Variants in ZNF277 observed in about 807,000 individuals in gnomAD.
The protein encoded by ZNF277 is zinc finger protein 277.
Under a neutral mutation model 60.7 loss-of-function variants are expected in ZNF277, and 55 were observed. The observed-to-expected ratio is 0.91, with a 90% CI of 0.73 to 1.13. The LOEUF is 1.13. ZNF277 is among the 50% of genes most tolerant of loss of function. The probability of loss-of-function intolerance (pLI) is 0.00; values close to 1 mark genes in which losing one functional copy is unlikely to be tolerated. For missense variants in ZNF277, 510 were observed against 523.0 expected (o/e 0.98, Z 0.24); for synonymous variants, 178 against 179.3 (o/e 0.99, Z 0.06).
intron 2 of ZNF277, chr7:112,287,620 A>T (rs139260909): frequency 1.3e-5 from 2 of 150,212 alleles, no homozygotes; most frequent in South Asian, 4.2e-4. Context: ...TCTGCCTCCC[A>T]TGTTCAAGCG....
At position 112,280,903 on chromosome 7, in the gene ZNF277, C is replaced by G. The variant is rs570015420; in HGVS notation, c.92-5970C>G. The stretch of plus-strand genomic sequence containing the variant: ...TCAGCCTCCCAAAGTGCTGGGATTA[C>G]AGGCATGAGCCACCGCGCCCAGCCC... On this transcript the variant is annotated intron_variant, in intron 1 of 11. Transcript: ENST00000361822. Among the ~76,000 whole-genome samples, 79 of 152,302 alleles carry G rather than the reference C, an allele frequency of 5.2e-4. No individual in the cohort carries two copies. The South Asian group carries it at 0.016, about 31-fold the overall frequency.
chr7:112,217,856 T>C (rs1421539734), intron 1 of ZNF277, among the ~76,000 whole-genome samples: 1 of 152,130 alleles, frequency 6.6e-6, no homozygotes, highest in Non-Finnish European at 1.5e-5. Context: ...GACCCTGCAC[T>C]CAGTGGGTCA....
chr7:112,266,490 A>C lies in ZNF277; in HGVS notation c.92-20383A>C, dbSNP rs546386075. On this transcript the variant is annotated intron_variant, in intron 1 of 11. Coordinates refer to ENST00000361822, the MANE Select transcript of ZNF277 (RefSeq NM_021994.3). The stretch of plus-strand genomic sequence containing the variant: ...ATTGCTATATAGTTACTGTCTGGCC[A>C]TCAGGTTACTAACATTGGTCCAGGG... Among the ~76,000 whole-genome samples the C allele has an allele frequency of 3.0e-4, 46 of 152,234 alleles. No individual in the cohort carries two copies. In the Middle Eastern group the frequency reaches 0.014, roughly 45 times the overall value.
chr7:112,244,300 G>C (rs1334268163), intron 1 of ZNF277, among the ~76,000 whole-genome samples: 1 of 152,104 alleles, frequency 6.6e-6, no homozygotes, highest in African/African-American at 2.4e-5. Context: ...TATGTATACT[G>C]TAATAGTCTT....
rs191184965 is a variant in ZNF277 at position 112,299,310 on chromosome 7, C to G, written c.465+2999C>G. 1.3e-3 allele frequency among the ~76,000 whole-genome samples: 192 copies of G among 152,186 alleles called. 1 individual carries two copies. Among genetic ancestry groups the G allele is most frequent in the Non-Finnish European group, 1.1e-3 (78 of 67,976 alleles). On this transcript the variant is annotated intron_variant, in intron 4 of 11. Transcript: ENST00000361822. ...AAGAAGTCTAAATCATTAAATGAAA[C>G]AAAAGTAACAGTATACTTTTTCTTC...
intron 1 of ZNF277, among the ~76,000 whole-genome samples, chr7:112,229,586 CACAG>C (rs1434984383): frequency 6.6e-6 from 1 of 152,208 alleles, no homozygotes; most frequent in Non-Finnish European, 1.5e-5. Flanking sequence ...GTAATTGTCA[CACAG>C]ACAGTTTTCC....
intron 11 of ZNF277, 82 bp downstream of exon 11, chr7:112,341,128 G>GAA (rs11463201): frequency 2.8e-4 from 343 of 1,238,766 alleles, no homozygotes; most frequent in South Asian, 4.1e-4. Context: ...TAAGCCTACA[G>GAA]AAAAAAAAGG....
intron 5 of ZNF277, among the ~76,000 whole-genome samples, chr7:112,326,047 A>G (rs1422932906): frequency 1.3e-5 from 2 of 152,082 alleles, no homozygotes; most frequent in Non-Finnish European, 2.9e-5. Context: ...CAGATTCTTG[A>G]GCCCCAGAGA....
At chr7:112,268,258 GCACACACAAACACACACA>G (rs927800904) in intron 1 of ZNF277, among the ~76,000 whole-genome samples, 2 of 150,272 alleles carry the variant, frequency 1.3e-5, no homozygotes, top group African/African-American at 2.5e-5. Context: ...GCACACACAC[GCACACACAAACACACACA>G]CACACACAAA....
chr7:112,246,283 A>G (rs1168547141), intron 1 of ZNF277, among the ~76,000 whole-genome samples: 1 of 152,068 alleles, frequency 6.6e-6, no homozygotes, highest in Non-Finnish European at 1.5e-5. Flanking sequence ...AGCTACTCAG[A>G]AATAGAAAGC....
Position 112,330,186 on chromosome 7 carries a change from A to T in ZNF277, c.771A>T (p.Glu257Asp). ...GTAAGATTAATCCTAAGAACAGAGA[A>T]TATGACAGATTTTATGTCATCAATT... ...QHRKINPKNR[E>D]YDRFYVINYL... The change falls in exon 7 of 12, where the codon GAA (glutamate) becomes GAT (aspartate). Residue 257 changes from glutamate to aspartate, a missense_variant. Coordinates refer to ENST00000361822, the MANE Select transcript of ZNF277 (RefSeq NM_021994.3). The T allele has an allele frequency of 5.6e-6, 9 of 1,613,042 alleles. No homozygotes were observed. Among genetic ancestry groups the T allele is most frequent in the Non-Finnish European group, 7.6e-6 (9 of 1,179,764 alleles).
rs1170078999 is a variant in ZNF277 at position 112,296,912 on chromosome 7, A to ATTT, written c.465+632_465+634dup. Among the ~76,000 whole-genome samples the ATTT allele has an allele frequency of 1.9e-3, 75 of 39,648 alleles. 6 individuals carry two copies. The highest frequency in any genetic ancestry group is 6.0e-3 in the East Asian group (4 of 664). 26.0% of individuals were successfully genotyped at this position (39,648 alleles called of 152,430 possible). A position where few individuals can be genotyped will look rare whatever the true frequency, so the allele number is the denominator to read the frequency against. ...ATTTTATTTATTTATTTATTTATTT[A>ATTT]TTTTTTTTTTTTTTTTTTTTTTTTT... is the stretch of plus-strand genomic sequence containing the variant. On this transcript the variant is annotated intron_variant, in intron 4 of 11. Transcript: ENST00000361822.
intron 5 of ZNF277, among the ~76,000 whole-genome samples, chr7:112,319,129 T>A (rs1364761162): frequency 1.3e-5 from 2 of 152,014 alleles, no homozygotes; most frequent in African/African-American, 2.4e-5. Flanking sequence ...GTCCCAAGTT[T>A]TTATTAGGAC....
At chr7:112,229,671 T>C (rs1170836299) in intron 1 of ZNF277, among the ~76,000 whole-genome samples, 3 of 152,220 alleles carry the variant, frequency 2.0e-5, no homozygotes, top group Non-Finnish European at 4.4e-5. Context: ...GCACTAATTA[T>C]GTGCTAGGCC....
At chr7:112,255,326 TAA>T (rs1791284644) in intron 1 of ZNF277, among the ~76,000 whole-genome samples, 1 of 152,190 alleles carries the variant, frequency 6.6e-6, no homozygotes, top group African/African-American at 2.4e-5. Flanking sequence ...CTTTATCACA[TAA>T]AGTTTTAAGA....
intron 5 of ZNF277, among the ~76,000 whole-genome samples, chr7:112,326,079 C>T (rs1334924290): frequency 6.6e-6 from 1 of 152,118 alleles, no homozygotes; most frequent in Non-Finnish European, 1.5e-5. Flanking sequence ...GGATTCAGCT[C>T]CCCTGAGTAC....
At chr7:112,303,004 T>C (rs1282742942) in intron 4 of ZNF277, among the ~76,000 whole-genome samples, 1 of 149,530 alleles carries the variant, frequency 6.7e-6, no homozygotes, top group Non-Finnish European at 1.5e-5. Flanking sequence ...GCTGGAGTGC[T>C]GTGGCACAAT....
At chr7:112,340,199 G>C (rs1403795429) in intron 10 of ZNF277, among the ~76,000 whole-genome samples, 1 of 152,186 alleles carries the variant, frequency 6.6e-6, no homozygotes, top group African/African-American at 2.4e-5. Context: ...AGTCAAACTA[G>C]AGTTCAGATT....
At chr7:112,325,957 G>A (rs948952650) in intron 5 of ZNF277, among the ~76,000 whole-genome samples, 1 of 152,104 alleles carries the variant, frequency 6.6e-6, no homozygotes, top group South Asian at 2.1e-4. Context: ...CAGAGTCTTC[G>A]AGACTGGCCA....
Sources: gnomAD v4.1 joint callset for allele counts (sites outside exome capture counted in the v4.1 genomes callset) on GRCh38, gnomAD v4.1.1 for gene constraint, MANE v1.5 for transcripts, NCBI Gene and HGNC (gene_info 2026-07-23, HGNC 2026-07-21) for gene names.